Variants in PPP1CC observed in about 807,000 individuals in gnomAD.
PPP1CC encodes serine/threonine-protein phosphatase PP1-gamma catalytic subunit.
Under a neutral mutation model 38.4 loss-of-function variants are expected in PPP1CC, and 16 were observed. The ratio of observed to expected loss-of-function variants is 0.42; its 90% CI spans 0.28 to 0.63. PPP1CC has a LOEUF of 0.63. Among genes scored for constraint, PPP1CC ranks in the 30% least tolerant of loss-of-function variants. The pLI, the probability that PPP1CC is intolerant of heterozygous loss-of-function variation, is 0.25. For synonymous variants in PPP1CC, 158 were observed against 136.0 expected, an observed-to-expected ratio of 1.16 and a Z score of -1.13; for missense variants, 170 against 391.3, an observed-to-expected ratio of 0.43 and a Z score of 4.77.
chr12:110,729,044 T>G (rs1371353323), intron 3 of PPP1CC, among the ~76,000 whole-genome samples: 2 of 152,266 alleles, frequency 1.3e-5, no homozygotes, highest in Non-Finnish European at 2.9e-5. Flanking sequence ...TATTAGCAAA[T>G]GCCAAGTACC....
rs1555243116 is a variant in PPP1CC, at chr12:110,724,769, G to C, written c.419-5C>G. On this transcript the variant is annotated splice_polypyrimidine_tract_variant and splice_region_variant and intron_variant, in intron 3 of 6. Coordinates refer to ENST00000335007, the MANE Select transcript of PPP1CC (RefSeq NM_002710.4). Reference sequence around the variant, plus strand: ...TAATGTTGTATCTTCTTTTACCTGTGATTAAAAAGAGAGTATTACATTAAA... The same window carrying C: ...TAATGTTGTATCTTCTTTTACCTGTCATTAAAAAGAGAGTATTACATTAAA... The C allele has an allele frequency of 6.7e-7, 1 of 1,498,324 alleles. No individual in the cohort carries two copies. The highest frequency in any genetic ancestry group is 9.3e-7 in the Non-Finnish European group (1 of 1,075,390). The allele number at this position is 1,498,324 out of a possible 1,614,324, so 92.8% of individuals were successfully genotyped here. A position where few individuals can be genotyped will look rare whatever the true frequency, so the allele number is the denominator to read the frequency against.
At chr12:110,729,226 ACTCTG>A (rs951552329) in intron 3 of PPP1CC, among the ~76,000 whole-genome samples, 29 of 124,182 alleles carry the variant, frequency 2.3e-4, no homozygotes, top group African/African-American at 8.8e-4. Flanking sequence ...ACGGAGTCTC[ACTCTG>A]CCACCCAGGC....
intron 3 of PPP1CC, among the ~76,000 whole-genome samples, chr12:110,727,359 G>A (rs1222075649): frequency 6.6e-6 from 1 of 152,068 alleles, no homozygotes; most frequent in Non-Finnish European, 1.5e-5. Flanking sequence ...CACTTTAAGC[G>A]TGGGCCTGCC....
downstream of PPP1CC, among the ~76,000 whole-genome samples, chr12:110,715,383 C>T (rs781557119): frequency 2.6e-5 from 4 of 151,900 alleles, no homozygotes; most frequent in African/African-American, 9.7e-5. Context: ...TGCAGTGGCG[C>T]GATCTCAGGT....
At chr12:110,728,901 T>C (rs570380642) in intron 3 of PPP1CC, among the ~76,000 whole-genome samples, 1 of 152,312 alleles carries the variant, frequency 6.6e-6, no homozygotes, top group African/African-American at 2.4e-5. Flanking sequence ...TAGGATGCAC[T>C]TCTAACAAAT....
chr12:110,740,614 A>T (rs2070007241), intron 1 of PPP1CC, among the ~76,000 whole-genome samples: 1 of 152,208 alleles, frequency 6.6e-6, no homozygotes, highest in South Asian at 2.1e-4. Context: ...AGGCATTAAA[A>T]TGCACTGCTT....
chr12:110,717,467 C>T (rs1188502789), downstream of PPP1CC, among the ~76,000 whole-genome samples: 1 of 152,172 alleles, frequency 6.6e-6, no homozygotes, highest in African/African-American at 2.4e-5. Context: ...GATCTCGGCT[C>T]ACTGCAAGCT....
intron 1 of PPP1CC, 164 bp from the exon 2 acceptor site, chr12:110,732,065 A>G (rs2069878996): frequency 2.7e-6 from 2 of 729,562 alleles, no homozygotes; most frequent in East Asian, 5.6e-5. Context: ...GAATCTTAAA[A>G]TCTTAGACAA....
At chr12:110,716,888 C>T (rs368561409), downstream of PPP1CC, among the ~76,000 whole-genome samples, 23 of 152,320 alleles carry the variant, frequency 1.5e-4, no homozygotes, top group African/African-American at 4.3e-4. Context: ...GAACCACCCA[C>T]TAATTCAGGG....
intron 1 of PPP1CC, chr12:110,732,618 T>C (rs2069888211): frequency 6.6e-6 from 1 of 152,260 alleles, no homozygotes; most frequent in Non-Finnish European, 1.5e-5. Flanking sequence ...CCTGCATTTG[T>C]GTTTATGCTC....
At chr12:110,721,862 G>A (rs1283299322) in intron 6 of PPP1CC, 3 of 465,600 alleles carry the variant, frequency 6.4e-6, no homozygotes, top group Non-Finnish European at 1.1e-5. Context: ...TGTCATTAAG[G>A]TTTTAGATTT....
chr12:110,738,807 C>A (rs1018161654), intron 1 of PPP1CC, among the ~76,000 whole-genome samples: 2 of 152,172 alleles, frequency 1.3e-5, no homozygotes, highest in Admixed American at 6.5e-5. Flanking sequence ...GGAGAGTAAT[C>A]CTTTTTCAAT....
At chr12:110,732,045 T>C (rs2069878849) in intron 1 of PPP1CC, 144 bp from the exon 2 acceptor site, 1 of 823,026 alleles carries the variant, frequency 1.2e-6, no homozygotes, top group Non-Finnish European at 1.9e-6. Flanking sequence ...ATGGTTTTAA[T>C]GTCTAATTAG....
chr12:110,722,744 G>T lies in PPP1CC; in HGVS notation c.524-49C>A. 1 of 1,414,932 alleles carries T rather than the reference G, an allele frequency of 7.1e-7. No individual in the cohort carries two copies. Among genetic ancestry groups the T allele is most frequent in the South Asian group, 1.3e-5 (1 of 77,362 alleles). 87.6% of individuals were successfully genotyped at this position (1,414,932 alleles called of 1,614,324 possible). Reference sequence around the variant, plus strand: ...AATGAAGAAAGCAGAACTTTTAAAAGGATACTACCCCTTCAAAAGTTCCAT... The same window carrying T: ...AATGAAGAAAGCAGAACTTTTAAAATGATACTACCCCTTCAAAAGTTCCAT... On this transcript the variant is annotated intron_variant, in intron 4 of 6. Coordinates refer to ENST00000335007, the MANE Select transcript of PPP1CC (RefSeq NM_002710.4). The surrounding 1 kb of genome is among the most constrained non-coding windows in gnomAD (Gnocchi z 5.4).
At chr12:110,718,656 G>A (rs1593569447), downstream of PPP1CC, among the ~76,000 whole-genome samples, 1 of 152,120 alleles carries the variant, frequency 6.6e-6, no homozygotes, top group South Asian at 2.1e-4. Context: ...ACCGAGTTGA[G>A]CATTCTAAAG....
the PPP1CC span, among the ~76,000 whole-genome samples, chr12:110,711,364 T>C: frequency 1.0e-4 from 15 of 149,022 alleles, no homozygotes. Context: ...GCCTAAGCAA[T>C]ATAGCATGAC....
At chr12:110,728,621 A>C (rs1472182885) in intron 3 of PPP1CC, among the ~76,000 whole-genome samples, 1 of 150,174 alleles carries the variant, frequency 6.7e-6, no homozygotes, top group Non-Finnish European at 1.5e-5. Flanking sequence ...CAAACAAAAA[A>C]AACCCATCAC....
At chr12:110,714,771 A>G (rs1455914856), downstream of PPP1CC, among the ~76,000 whole-genome samples, 2 of 131,190 alleles carry the variant, frequency 1.5e-5, no homozygotes, top group East Asian at 4.3e-4. Flanking sequence ...GTACTACTGC[A>G]CTCCAGCCTG....
Position 110,738,232 on chromosome 12 carries a change from C to T in PPP1CC, c.55+4421G>A, listed in dbSNP as rs1316764934. On this transcript the variant is annotated intron_variant, in intron 1 of 6. Coordinates refer to ENST00000335007, the MANE Select transcript of PPP1CC (RefSeq NM_002710.4). ...CAGACAAATCACCAAGATCCACAAA[C>T]ACATCATCTGTTCTTGATGCTTTGG... 2.0e-5 allele frequency among the ~76,000 whole-genome samples: 3 copies of T among 152,170 alleles called. No homozygotes were observed. The East Asian group carries it at 5.8e-4, about 29-fold the overall frequency.
Sources: gnomAD v4.1 joint callset for allele counts (sites outside exome capture counted in the v4.1 genomes callset) on GRCh38, gnomAD v4.1.1 for gene constraint, Gnocchi (gnomAD v3.1) non-coding constraint, MANE v1.5 for transcripts, NCBI Gene and HGNC (gene_info 2026-07-23, HGNC 2026-07-21) for gene names.